The following SH3BGRL2 variants were observed in gnomAD, a reference collection of about 807,000 sequenced individuals.
The protein encoded by SH3BGRL2 is SH3 domain-binding glutamic acid-rich-like protein 2.
Under a neutral mutation model 14.8 loss-of-function variants are expected in SH3BGRL2, and 21 were observed. The observed-to-expected ratio is 1.42, with a 90% CI of 1.01 to 2.05. SH3BGRL2 has a LOEUF of 2.05. SH3BGRL2 is among the 30% of genes most tolerant of loss of function. The pLI is 0.00. For synonymous variants in SH3BGRL2, 50 were observed against 47.8 expected (o/e 1.05, Z -0.19); for missense variants, 147 against 130.8 (o/e 1.12, Z -0.61).
chr6:79,616,834 A>T, the SH3BGRL2 span, among the ~76,000 whole-genome samples: 1 of 152,154 alleles, frequency 6.6e-6, no homozygotes, highest in Non-Finnish European at 1.5e-5. Flanking sequence ...AGGGAAGAAA[A>T]AGAAAGTGCA....
the SH3BGRL2 span, among the ~76,000 whole-genome samples, chr6:79,568,517 A>G: frequency 2.0e-5 from 3 of 152,028 alleles, no homozygotes; most frequent in Admixed American, 1.3e-4. Flanking sequence ...ATTCAAAAAC[A>G]TGCAAAACCC....
the SH3BGRL2 span, among the ~76,000 whole-genome samples, chr6:79,539,658 T>G: frequency 6.6e-6 from 1 of 152,234 alleles, no homozygotes; most frequent in Non-Finnish European, 1.5e-5. Flanking sequence ...AACTAAAATA[T>G]TCCTACAAAT....
chr6:79,604,010 G>T, the SH3BGRL2 span, among the ~76,000 whole-genome samples: 1 of 152,056 alleles, frequency 6.6e-6, no homozygotes, highest in South Asian at 2.1e-4. Flanking sequence ...TCGCCATGTT[G>T]GCCAGGCTGG....
chr6:79,620,935 A>C, the SH3BGRL2 span, among the ~76,000 whole-genome samples: 3 of 152,008 alleles, frequency 2.0e-5, no homozygotes, highest in Non-Finnish European at 4.4e-5. Context: ...AGTTTTTTTA[A>C]GTTTTTAAAT....
At chr6:79,643,850 A>T (rs555390434) in intron 1 of SH3BGRL2, among the ~76,000 whole-genome samples, 1 of 152,318 alleles carries the variant, frequency 6.6e-6, no homozygotes, top group African/African-American at 2.4e-5. Context: ...GAGACTGTTT[A>T]ATGTTTTGTT....
the SH3BGRL2 span, among the ~76,000 whole-genome samples, chr6:79,572,570 A>G: frequency 6.6e-6 from 1 of 152,218 alleles, no homozygotes; most frequent in East Asian, 1.9e-4. Flanking sequence ...GGTTCACGCC[A>G]TTCTCCTGCC....
chr6:79,685,823 G>T (rs1770080152), intron 2 of SH3BGRL2, among the ~76,000 whole-genome samples: 2 of 151,994 alleles, frequency 1.3e-5, no homozygotes, highest in Admixed American at 1.3e-4. Context: ...AATATCCAAG[G>T]GAACCTCTTA....
At chr6:79,681,315 AT>A (rs994116161) in intron 2 of SH3BGRL2, among the ~76,000 whole-genome samples, 99 of 151,708 alleles carry the variant, frequency 6.5e-4, no homozygotes, top group African/African-American at 2.3e-3. Context: ...TATTGAGTTA[AT>A]TTTTTTTTAG....
chr6:79,628,650 C>A (rs1248951288), upstream of SH3BGRL2, among the ~76,000 whole-genome samples: 1 of 152,156 alleles, frequency 6.6e-6, no homozygotes, highest in Non-Finnish European at 1.5e-5. Context: ...TGTTTACCAA[C>A]TCTGGGTCTC....
At chr6:79,656,088 T>C (rs920525474) in intron 1 of SH3BGRL2, among the ~76,000 whole-genome samples, 7 of 152,234 alleles carry the variant, frequency 4.6e-5, no homozygotes, top group African/African-American at 1.7e-4. Context: ...TAATTTAGGT[T>C]TTTTAAAGAA....
chr6:79,588,385 G>A, the SH3BGRL2 span, among the ~76,000 whole-genome samples: 2 of 151,552 alleles, frequency 1.3e-5, no homozygotes, highest in South Asian at 4.2e-4. Context: ...GGTTATTTTA[G>A]TAAGTTGGTA....
At chr6:79,580,608 C>A in the SH3BGRL2 span, among the ~76,000 whole-genome samples, 14 of 152,242 alleles carry the variant, frequency 9.2e-5, no homozygotes, top group East Asian at 5.8e-4. Context: ...AACAAAGACA[C>A]AACACATCAG....
At chr6:79,564,731 G>T in the SH3BGRL2 span, among the ~76,000 whole-genome samples, 1 of 152,048 alleles carries the variant, frequency 6.6e-6, no homozygotes, top group African/African-American at 2.4e-5. Flanking sequence ...ATTCAAGATG[G>T]TTGATAAAAT....
intron 1 of SH3BGRL2, among the ~76,000 whole-genome samples, chr6:79,633,823 A>G (rs1768871552): frequency 6.6e-6 from 1 of 152,228 alleles, no homozygotes; most frequent in South Asian, 2.1e-4. Context: ...TTCATATGTA[A>G]GAATAATGAT....
At chr6:79,616,982 G>A in the SH3BGRL2 span, among the ~76,000 whole-genome samples, 129 of 152,202 alleles carry the variant, frequency 8.5e-4, 4 homozygotes, top group East Asian at 0.025. Context: ...GAGGTCGGGA[G>A]TTTGAGACCA....
intron 1 of SH3BGRL2, among the ~76,000 whole-genome samples, chr6:79,652,750 T>G (rs956822559): frequency 2.0e-5 from 3 of 152,130 alleles, no homozygotes; most frequent in Admixed American, 6.6e-5. Flanking sequence ...TTTAGAAATT[T>G]TTTTTTTAAA....
intron 1 of SH3BGRL2, 124 bp from the exon 2 acceptor site, chr6:79,673,490 G>A: frequency 1.1e-6 from 1 of 904,744 alleles, no homozygotes; most frequent in Non-Finnish European, 1.7e-6. Flanking sequence ...AGTGGACAGT[G>A]CATGACACCT....
At chr6:79,600,459 G>A in the SH3BGRL2 span, among the ~76,000 whole-genome samples, 1 of 152,132 alleles carries the variant, frequency 6.6e-6, no homozygotes, top group South Asian at 2.1e-4. Context: ...GTTTTCCAGG[G>A]TACAGCATGG....
chr6:79,559,798 C>G, the SH3BGRL2 span, among the ~76,000 whole-genome samples: 1 of 152,170 alleles, frequency 6.6e-6, no homozygotes, highest in Non-Finnish European at 1.5e-5. Context: ...GCAACTTCCT[C>G]TCAGATGGTT....
Sources: allele counts gnomAD v4.1 joint callset (sites outside exome capture counted in the v4.1 genomes callset), GRCh38; gene constraint gnomAD v4.1.1; transcripts MANE v1.5; gene names NCBI Gene and HGNC (gene_info 2026-07-23, HGNC 2026-07-21).